Variants in EDEM1 observed in about 807,000 individuals in gnomAD.
EDEM1 encodes ER degradation-enhancing alpha-mannosidase-like protein 1.
A neutral mutation model predicts 74.4 loss-of-function variants in EDEM1; 67 were observed. That is an observed-to-expected ratio of 0.90 (90% CI 0.74 to 1.10). EDEM1 has a LOEUF of 1.10. Ranked by LOEUF, EDEM1 falls within the 50% of genes least tolerant of loss-of-function variation. The pLI is 0.00. For missense variants in EDEM1, 926 were observed against 851.6 expected, an observed-to-expected ratio of 1.09 and a Z score of -1.09; for synonymous variants, 382 against 335.9, an observed-to-expected ratio of 1.14 and a Z score of -1.50.
intron 1 of EDEM1, 119 bp from the exon 2 acceptor site, chr3:5,195,090 T>G: frequency 2.0e-6 from 1 of 507,884 alleles, no homozygotes; most frequent in Non-Finnish European, 3.4e-6. Context: ...AATTCACCCA[T>G]AATTAGTTCC....
chr3:5,200,303 T>C lies in EDEM1; in HGVS notation c.686+608T>C, dbSNP rs2596686. Among the ~76,000 whole-genome samples the C allele has an allele frequency of 3.3e-5, 5 of 152,220 alleles. No homozygotes were observed. In the East Asian group the frequency reaches 9.6e-4, roughly 29 times the overall value. ...AGAATTTCATGGTTTCCCTTTATAGTCTGATTTCATTTTCTTCTTTCACCG... is the reference window on the plus strand; with the variant it reads ...AGAATTTCATGGTTTCCCTTTATAGCCTGATTTCATTTTCTTCTTTCACCG... On this transcript the variant is annotated intron_variant, in intron 3 of 11. Transcript: ENST00000256497.
chr3:5,192,564 G>A (rs562587351), intron 1 of EDEM1, among the ~76,000 whole-genome samples: 2 of 152,302 alleles, frequency 1.3e-5, no homozygotes, highest in Non-Finnish European at 2.9e-5. Context: ...TCAGCCAGCT[G>A]GTTACAGGGA....
chr3:5,196,568 GCTTGAGAGATCATTCTACGTC>G (rs1180382853), intron 2 of EDEM1, among the ~76,000 whole-genome samples: 3 of 152,190 alleles, frequency 2.0e-5, no homozygotes, highest in Admixed American at 2.0e-4. Context: ...CTTGGAAAGA[GCTTGAGAGATCATTCTACGTC>G]CTCATTTTAT....
rs923430837 is a variant in EDEM1, at chr3:5,190,326, T to C, written c.509+2012T>C. On this transcript the variant is annotated intron_variant, in intron 1 of 11. Transcript: ENST00000256497. ...ACAGACTGTTTCTCAGATTACCTTT[T>C]ATCAGGTGGACTGAAGTTGAAAACA... is the stretch of plus-strand genomic sequence containing the variant. 3.3e-5 allele frequency among the ~76,000 whole-genome samples: 5 copies of C among 152,256 alleles called. No individual in the cohort carries two copies. In the South Asian group the frequency reaches 1.0e-3, roughly 31 times the overall value.
At chr3:5,208,364 T>C (rs757501917) in intron 8 of EDEM1, 101 bp downstream of exon 8, 185 of 1,402,422 alleles carry the variant, frequency 1.3e-4, no homozygotes, top group Non-Finnish European at 1.6e-4. Context: ...GGTTATGTTG[T>C]TTCATAGTGA....
In EDEM1 at chr3:5,208,138, T is replaced by C; in HGVS notation, c.1384T>C (p.Tyr462His). 1 of 1,611,274 alleles carries C rather than the reference T, an allele frequency of 6.2e-7. No homozygotes were observed. The highest frequency in any genetic ancestry group is 8.5e-7 in the Non-Finnish European group (1 of 1,179,286). Residue 462 changes from tyrosine (Y) to histidine (H), a missense_variant, in exon 8 of 12, where the codon TAC becomes CAC. Tyr to His is a moderately conservative substitution (Grantham distance 83, BLOSUM62 2). Coordinates refer to ENST00000256497, the MANE Select transcript of EDEM1 (RefSeq NM_014674.3). Reference sequence around the variant, plus strand: ...AGATGCCATCTGCCTTCATGCCTTCTACTATGCCATATGGAAACGATATGG... The same window carrying C: ...AGATGCCATCTGCCTTCATGCCTTCCACTATGCCATATGGAAACGATATGG... ...VEDAICLHAFYYAIWKRYGAL... is the reference protein window; with the variant it reads ...VEDAICLHAFHYAIWKRYGAL...
intron 3 of EDEM1, among the ~76,000 whole-genome samples, chr3:5,200,378 T>C (rs1575587069): frequency 6.6e-6 from 1 of 152,364 alleles, no homozygotes; most frequent in East Asian, 1.9e-4. Flanking sequence ...GAGTTTCCCA[T>C]CTTACCACCC....
rs561401796 is a variant in EDEM1 at position 5,215,723 on chromosome 3, C to T, written c.1885-106C>T. 5.9e-4 allele frequency: 617 copies of T among 1,039,156 alleles called. 1 individual carries two copies. The highest frequency in any genetic ancestry group is 4.6e-4 in the Non-Finnish European group (307 of 671,414). 64.4% of individuals were successfully genotyped at this position (1,039,156 alleles called of 1,614,324 possible). A position where few individuals can be genotyped will look rare whatever the true frequency, so the allele number is the denominator to read the frequency against. ...AGCTTCCACAACAGTTACTTCCAAA[C>T]GTCAGTAGTTCACAGGCTGAGAAAC... is the stretch of plus-strand genomic sequence containing the variant. On this transcript the variant is annotated intron_variant, in intron 11 of 11. Transcript: ENST00000256497.
intron 8 of EDEM1, among the ~76,000 whole-genome samples, chr3:5,209,473 T>A (rs1385997701): frequency 1.3e-5 from 2 of 152,214 alleles, no homozygotes; most frequent in Non-Finnish European, 2.9e-5. Flanking sequence ...TCTTCAGCTT[T>A]ACCCTCCGAA....
intron 10 of EDEM1, 31 bp from the exon 11 acceptor site, chr3:5,213,288 T>C (rs370608548): frequency 2.1e-5 from 33 of 1,595,086 alleles, no homozygotes; most frequent in Non-Finnish European, 2.4e-5. Context: ...GCTACAATTA[T>C]TGGTTGTATC....
At chr3:5,211,344 C>A in intron 10 of EDEM1, 128 bp downstream of exon 10, 3 of 865,260 alleles carry the variant, frequency 3.5e-6, no homozygotes, top group Non-Finnish European at 5.5e-6. Context: ...TCCCAGGATG[C>A]AAACGCTGTC....
chr3:5,204,452 C>T (rs1287843374), intron 5 of EDEM1, among the ~76,000 whole-genome samples: 4 of 152,012 alleles, frequency 2.6e-5, no homozygotes, highest in Non-Finnish European at 5.9e-5. Flanking sequence ...CTGCTCACTG[C>T]AACCTCTTCC....
Position 5,188,332 on chromosome 3 carries a change from C to T in EDEM1, c.509+18C>T, listed in dbSNP as rs780762571. ...GGGGACCCGTGAGTAGCCCCCGCCG[C>T]CCGGGGCCGCGCGCCCACGCGCTTC... On this transcript the variant is annotated intron_variant, in intron 1 of 11. Transcript: ENST00000256497. The T allele has an allele frequency of 7.8e-6, 11 of 1,413,408 alleles. No individual in the cohort carries two copies. In the South Asian group the frequency reaches 1.6e-4, roughly 20 times the overall value. 87.6% of individuals were successfully genotyped at this position (1,413,408 alleles called of 1,614,324 possible). A position where few individuals can be genotyped will look rare whatever the true frequency, so the allele number is the denominator to read the frequency against.
At chr3:5,210,088 T>A in intron 8 of EDEM1, 87 bp from the exon 9 acceptor site, 2 of 1,211,726 alleles carry the variant, frequency 1.7e-6, no homozygotes, top group Admixed American at 3.5e-5. Context: ...CTCGTCTCCA[T>A]GGGGAAGCCC....
Position 5,218,484 on chromosome 3 carries a change from G to A in EDEM1, c.*2566G>A, listed in dbSNP as rs1050892735. The stretch of plus-strand genomic sequence containing the variant: ...GGCTGAGGAGGAGATTACCAGAGAA[G>A]TTGCTTTGCTCAGTGCTTTGCCCCA... On this transcript the variant is annotated 3_prime_UTR_variant, in exon 12 of 12. Transcript: ENST00000256497. The A allele has an allele frequency of 1.3e-5, 2 of 152,044 alleles. No homozygotes were observed. The highest frequency in any genetic ancestry group is 2.9e-5 in the Non-Finnish European group (2 of 68,046). 9.4% of individuals were successfully genotyped at this position (152,044 alleles called of 1,614,324 possible). A position where few individuals can be genotyped will look rare whatever the true frequency, so the allele number is the denominator to read the frequency against.
rs914895865 is a variant in EDEM1 at position 5,188,403 on chromosome 3, C to G, written c.509+89C>G. ...GTGCAGCCCTCTGTCCTCCGGGGCC[C>G]CCGAGGGCGCCAGGGCCGTTAGGGT... is the stretch of plus-strand genomic sequence containing the variant. On this transcript the variant is annotated intron_variant, in intron 1 of 11. Transcript: ENST00000256497. 1.2e-5 allele frequency: 15 copies of G among 1,290,954 alleles called. No homozygotes were observed. The African/African-American group carries it at 2.0e-4, about 17-fold the overall frequency. 80.0% of individuals were successfully genotyped at this position (1,290,954 alleles called of 1,614,324 possible).
intron 1 of EDEM1, 166 bp downstream of exon 1, chr3:5,188,480 C>G (rs961670055): frequency 5.3e-6 from 4 of 758,858 alleles, no homozygotes; most frequent in Admixed American, 8.8e-5. Context: ...TGAAGACCCC[C>G]GAGCTTGAGG....
rs781148315 is a variant in EDEM1 at position 5,207,162 on chromosome 3, C to G, written c.1227C>G (p.Ala409=). 1 of 1,614,068 alleles carries G rather than the reference C, an allele frequency of 6.2e-7. No homozygotes were observed. Among genetic ancestry groups the G allele is most frequent in the Non-Finnish European group, 8.5e-7 (1 of 1,179,992 alleles). ...IQNYLRRGRE[A]CNEGEGDPPL... ...CTGCTTGGGTTTGCAGGCGGGAAGCCTGCAATGAAGGAGAAGGAGACCCTC... is the reference window on the plus strand; with the variant it reads ...CTGCTTGGGTTTGCAGGCGGGAAGCGTGCAATGAAGGAGAAGGAGACCCTC... Residue 409 remains alanine, a synonymous_variant, in exon 7 of 12, where the codon GCC becomes GCG. Coordinates refer to ENST00000256497, the MANE Select transcript of EDEM1 (RefSeq NM_014674.3).
At position 5,195,218 on chromosome 3, in the gene EDEM1, G is replaced by A; in HGVS notation, c.519G>A (p.Leu173=). The A allele has an allele frequency of 1.3e-6, 2 of 1,525,322 alleles. No homozygotes were observed. Among genetic ancestry groups the A allele is most frequent in the Non-Finnish European group, 1.8e-6 (2 of 1,132,892 alleles). 94.5% of individuals were successfully genotyped at this position (1,525,322 alleles called of 1,614,324 possible). A position where few individuals can be genotyped will look rare whatever the true frequency, so the allele number is the denominator to read the frequency against. ...TAATTTTCTTTTTCAGTTCAAATCT[G>A]AACATCAATGATGTACTAGGGAACT... ...RGPDRGDPSN[L]NINDVLGNYS... Residue 173 remains leucine, a synonymous_variant, in exon 2 of 12, where the codon CTG becomes CTA. Transcript: ENST00000256497.
Sources: allele counts gnomAD v4.1 joint callset (sites outside exome capture counted in the v4.1 genomes callset), GRCh38; gene constraint gnomAD v4.1.1; transcripts MANE v1.5; gene names NCBI Gene and HGNC (gene_info 2026-07-23, HGNC 2026-07-21).